CERS6: variants seen among roughly 807,000 people sequenced by gnomAD.
CERS6 encodes ceramide synthase 6, also known as LAG1 homolog, ceramide synthase 6.
Under a neutral mutation model 56.8 loss-of-function variants are expected in CERS6, and 26 were observed. The ratio of observed to expected loss-of-function variants is 0.46; its 90% CI spans 0.34 to 0.63. The LOEUF (loss-of-function observed/expected upper bound fraction) is 0.63, where lower values mean the gene tolerates loss of function less well. Ranked by LOEUF, CERS6 falls within the 30% of genes least tolerant of loss-of-function variation. The pLI is 0.01. For synonymous variants in CERS6, 164 were observed against 173.3 expected (o/e 0.95, Z 0.42); for missense variants, 415 against 467.5 (o/e 0.89, Z 1.04).
chr2:168,638,711 A>G (rs1394749056), intron 4 of CERS6, among the ~76,000 whole-genome samples: 2 of 152,110 alleles, frequency 1.3e-5, no homozygotes, highest in Admixed American at 6.6e-5. Context: ...GTTTTATAAA[A>G]TTTTCTGTAA....
At chr2:168,551,714 C>G (rs1695575589) in intron 2 of CERS6, among the ~76,000 whole-genome samples, 1 of 152,118 alleles carries the variant, frequency 6.6e-6, no homozygotes, top group Non-Finnish European at 1.5e-5. Context: ...AGTGTTACGT[C>G]ATGTTTCTAT....
At chr2:168,532,494 C>A (rs2105363278) in intron 1 of CERS6, among the ~76,000 whole-genome samples, 1 of 151,956 alleles carries the variant, frequency 6.6e-6, no homozygotes, top group Admixed American at 6.6e-5. Flanking sequence ...TCTATCTGTA[C>A]AGGTACTAAA....
chr2:168,738,891 TG>T (rs995078081), intron 8 of CERS6, among the ~76,000 whole-genome samples: 3 of 151,736 alleles, frequency 2.0e-5, no homozygotes, highest in East Asian at 1.9e-4. Context: ...TTGTTTGTTT[TG>T]GGGGGTTTTT....
chr2:168,593,472 A>G (rs897320217), intron 3 of CERS6, among the ~76,000 whole-genome samples: 3 of 152,188 alleles, frequency 2.0e-5, no homozygotes, highest in East Asian at 1.9e-4. Context: ...AAGAGGCATC[A>G]TGTACCTGCT....
intron 8 of CERS6, among the ~76,000 whole-genome samples, chr2:168,729,682 A>T (rs1463723984): frequency 1.3e-5 from 2 of 152,212 alleles, no homozygotes; most frequent in Non-Finnish European, 2.9e-5. Flanking sequence ...CATGCCTCTG[A>T]TGGCAGTGTT....
intron 5 of CERS6, among the ~76,000 whole-genome samples, chr2:168,693,948 C>T (rs959019515): frequency 3.9e-5 from 6 of 152,228 alleles, no homozygotes; most frequent in African/African-American, 4.8e-5. Context: ...GATTCCCATG[C>T]GTAGAGTGGG....
At chr2:168,587,339 C>G (rs1359615107) in intron 3 of CERS6, among the ~76,000 whole-genome samples, 1 of 152,168 alleles carries the variant, frequency 6.6e-6, no homozygotes, top group East Asian at 1.9e-4. Context: ...ATGACCAGGG[C>G]TGACCTGAGG....
intron 3 of CERS6, among the ~76,000 whole-genome samples, chr2:168,622,273 C>CAA (rs59194302): frequency 6.6e-6 from 1 of 151,878 alleles, no homozygotes; most frequent in African/African-American, 2.4e-5. Context: ...CAAAAAATCA[C>CAA]AAAAAAATCT....
At chr2:168,556,407 A>C (rs1294069021) in intron 2 of CERS6, among the ~76,000 whole-genome samples, 1 of 152,170 alleles carries the variant, frequency 6.6e-6, no homozygotes, top group South Asian at 2.1e-4. Context: ...GAAACCTGAC[A>C]TCTTTTTGAT....
At chr2:168,744,457 G>A (rs1330289942) in intron 8 of CERS6, among the ~76,000 whole-genome samples, 4 of 151,888 alleles carry the variant, frequency 2.6e-5, no homozygotes, top group Non-Finnish European at 4.4e-5. Context: ...GTTTACAAAC[G>A]CATGCTTCAG....
chr2:168,760,761 TATTTA>T (rs200407850), intron 8 of CERS6, among the ~76,000 whole-genome samples: 8 of 151,788 alleles, frequency 5.3e-5, no homozygotes, highest in Admixed American at 6.6e-5. Context: ...TTTATTTATT[TATTTA>T]TTTTTTTGAG....
chr2:168,572,617 G>A (rs1025250120), intron 3 of CERS6, among the ~76,000 whole-genome samples: 9 of 152,066 alleles, frequency 5.9e-5, no homozygotes, highest in Non-Finnish European at 1.2e-4. Context: ...GGGCAGTTTG[G>A]TCTTTTATTT....
chr2:168,624,372 T>G (rs1051917972), intron 3 of CERS6, among the ~76,000 whole-genome samples: 9 of 152,314 alleles, frequency 5.9e-5, no homozygotes, highest in African/African-American at 2.2e-4. Context: ...AACCATGATC[T>G]CTGGAGTCAA....
chr2:168,719,879 T>TA (rs1284948686), intron 8 of CERS6, among the ~76,000 whole-genome samples: 4 of 152,060 alleles, frequency 2.6e-5, no homozygotes, highest in Admixed American at 1.3e-4. Flanking sequence ...CTTTTTTTTT[T>TA]AAAAGATGAA....
At chr2:168,483,283 A>T (rs1282906090) in intron 1 of CERS6, among the ~76,000 whole-genome samples, 7 of 146,410 alleles carry the variant, frequency 4.8e-5, no homozygotes, top group Non-Finnish European at 7.5e-5. Context: ...TTACATAGCT[A>T]TTTTTTTTTT....
intron 5 of CERS6, among the ~76,000 whole-genome samples, chr2:168,693,610 G>A (rs77365787): frequency 0.024 from 3,715 of 152,216 alleles, 141 homozygotes; most frequent in African/African-American, 0.082. Context: ...AGTAGGAAGT[G>A]TATTCTACTC....
At chr2:168,680,762 T>A (rs1048347181) in intron 4 of CERS6, among the ~76,000 whole-genome samples, 2 of 152,228 alleles carry the variant, frequency 1.3e-5, no homozygotes, top group African/African-American at 2.4e-5. Context: ...GTGAGGATGC[T>A]GCAAGAAGAC....
At chr2:168,639,734 G>A (rs73969670) in intron 4 of CERS6, among the ~76,000 whole-genome samples, 2,086 of 152,186 alleles carry the variant, frequency 0.014, 48 homozygotes, top group African/African-American at 0.047. Context: ...CAGGAATTCC[G>A]ATTGGACCAG....
chr2:168,718,468 T>C (rs894088634), intron 8 of CERS6, among the ~76,000 whole-genome samples: 7 of 152,164 alleles, frequency 4.6e-5, no homozygotes, highest in Non-Finnish European at 1.0e-4. Context: ...TGGCAATGTG[T>C]TTTAATAAGC....
Sources: gnomAD v4.1 joint callset for allele counts (sites outside exome capture counted in the v4.1 genomes callset) on GRCh38, gnomAD v4.1.1 for gene constraint, MANE v1.5 for transcripts, NCBI Gene and HGNC (gene_info 2026-07-23, HGNC 2026-07-21) for gene names.